KCNN3: variants seen among roughly 807,000 people sequenced by gnomAD.
The protein encoded by KCNN3 is potassium calcium-activated channel subfamily N member 3, also known as small conductance calcium-activated potassium channel protein 3.
A neutral mutation model predicts 62.9 loss-of-function variants in KCNN3; 16 were observed. That is an observed-to-expected ratio of 0.25 (90% CI 0.17 to 0.39). The LOEUF (loss-of-function observed/expected upper bound fraction) is 0.39, where lower values mean the gene tolerates loss of function less well. Ranked by LOEUF, KCNN3 falls within the 10% of genes least tolerant of loss-of-function variation. The probability of loss-of-function intolerance (pLI) is 1.00; values close to 1 mark genes in which losing one functional copy is unlikely to be tolerated. For synonymous variants in KCNN3, 370 were observed against 389.2 expected, an observed-to-expected ratio of 0.95 and a Z score of 0.58; for missense variants, 599 against 949.4, an observed-to-expected ratio of 0.63 and a Z score of 4.85.
rs1557944131 is a variant in KCNN3 at position 154,725,965 on chromosome 1, G to A, written c.1652C>T (p.Ala551Val). 6.2e-7 allele frequency: 1 copy of A among 1,614,144 alleles called. No individual in the cohort carries two copies. Among genetic ancestry groups the A allele is most frequent in the Non-Finnish European group, 8.5e-7 (1 of 1,179,988 alleles). The change falls in exon 5 of 8, where the codon GCG (alanine) becomes GTG (valine). Residue 551 changes from alanine to valine, a missense_variant. Around this residue, in one of 7 missense-constraint regions of KCNN3, gnomAD observed 288 missense variants for 557.4 expected, o/e 0.52. Coordinates refer to ENST00000271915, the MANE Select transcript of KCNN3 (RefSeq NM_002249.6). ...VVARKLELTKAEKHVHNFMMD... is the reference protein window; with the variant it reads ...VVARKLELTKVEKHVHNFMMD... ...CATGAAGTTATGAACGTGCTTCTCC[G>A]CTTTGGTGAGTTCCAGCTTTCGGGC...
chr1:154,842,092 G>A (rs1651857130), intron 1 of KCNN3, among the ~76,000 whole-genome samples: 1 of 152,166 alleles, frequency 6.6e-6, no homozygotes, highest in African/African-American at 2.4e-5. Context: ...GAACCTTGGG[G>A]GATTGACCCA....
intron 2 of KCNN3, among the ~76,000 whole-genome samples, chr1:154,783,901 A>AT (rs1447269503): frequency 6.6e-6 from 1 of 152,212 alleles, no homozygotes; most frequent in Non-Finnish European, 1.5e-5. Context: ...TGGAAATGTC[A>AT]GCTAACCTAG....
chr1:154,736,863 GCTAA>G (rs1201977329), intron 3 of KCNN3, among the ~76,000 whole-genome samples: 2 of 152,148 alleles, frequency 1.3e-5, no homozygotes, highest in Non-Finnish European at 2.9e-5. Context: ...TCCTGTGCGT[GCTAA>G]CTGTGTGTGC....
At position 154,701,858 on chromosome 1, in the gene KCNN3, A is replaced by G. The variant is rs1429278358; in HGVS notation, c.*6118T>C. On this transcript the variant is annotated 3_prime_UTR_variant, in exon 8 of 8. Coordinates refer to ENST00000271915, the MANE Select transcript of KCNN3 (RefSeq NM_002249.6). Reference sequence around the variant, plus strand: ...GAAACTCAGAATGCCTAGGATTTTGAGTATTTTAAGTTACAGGAAAACAGG... The same window carrying G: ...GAAACTCAGAATGCCTAGGATTTTGGGTATTTTAAGTTACAGGAAAACAGG... 2.0e-5 allele frequency: 3 copies of G among 152,224 alleles called. No individual in the cohort carries two copies. Among genetic ancestry groups the G allele is most frequent in the Admixed American group, 2.0e-4 (3 of 15,284 alleles). The allele number at this position is 152,224 out of a possible 1,614,324, so 9.4% of individuals were successfully genotyped here.
intron 2 of KCNN3, among the ~76,000 whole-genome samples, chr1:154,778,057 T>C (rs984688230): frequency 1.9e-4 from 29 of 152,244 alleles, no homozygotes; most frequent in African/African-American, 6.8e-4. Flanking sequence ...TACCACAGTC[T>C]CTGGTTTCCT....
chr1:154,844,050 G>A (rs1227524951), intron 1 of KCNN3, among the ~76,000 whole-genome samples: 1 of 152,142 alleles, frequency 6.6e-6, no homozygotes, highest in Non-Finnish European at 1.5e-5. Flanking sequence ...ACACACCCTC[G>A]GGACCAGCAG....
rs762791737 is a variant in KCNN3 at position 154,869,311 on chromosome 1, C to A, written c.654G>T (p.Glu218Asp). The change falls in exon 1 of 8, where the codon GAG (glutamate) becomes GAT (aspartate). Residue 218 changes from glutamate (E) to aspartate (D), a missense_variant. This residue lies in a region of KCNN3 where 80 missense variants were observed against 85.4 expected (regional missense o/e 0.94). Coordinates refer to ENST00000271915, the MANE Select transcript of KCNN3 (RefSeq NM_002249.6). The surrounding 1 kb of genome is among the most constrained non-coding windows in gnomAD (Gnocchi z 6.1). ...LQLFSPSNPP[E>D]IVISSREDNH... ...TGTCCTCCCGGGAGGAGATGACGAT[C>A]TCCGGGGGGTTGCTAGGGCTGAAAA... is the stretch of plus-strand genomic sequence containing the variant. 1 of 1,613,742 alleles carries A rather than the reference C, an allele frequency of 6.2e-7. No individual in the cohort carries two copies. The highest frequency in any genetic ancestry group is 8.5e-7 in the Non-Finnish European group (1 of 1,179,702).
chr1:154,793,348 A>G (rs1649596134), intron 2 of KCNN3, among the ~76,000 whole-genome samples: 2 of 152,194 alleles, frequency 1.3e-5, no homozygotes. Context: ...TAAGAGGCTG[A>G]CCCTGAAAAG....
intron 2 of KCNN3, among the ~76,000 whole-genome samples, chr1:154,808,473 G>T (rs1009668655): frequency 6.6e-6 from 1 of 152,074 alleles, no homozygotes; most frequent in African/African-American, 2.4e-5. Flanking sequence ...GGAACTGTGC[G>T]CCGTGCCCTC....
At chr1:154,721,682 T>A (rs1486037450) in intron 5 of KCNN3, among the ~76,000 whole-genome samples, 1 of 151,964 alleles carries the variant, frequency 6.6e-6, no homozygotes, top group African/African-American at 2.4e-5. Context: ...GACCACCTCT[T>A]ACCCATCTTG....
chr1:154,858,505 G>C (rs1652624329), intron 1 of KCNN3, among the ~76,000 whole-genome samples: 1 of 152,246 alleles, frequency 6.6e-6, no homozygotes, highest in Non-Finnish European at 1.5e-5. Flanking sequence ...AGAGTTGGTG[G>C]AGAACAACAC....
intron 2 of KCNN3, among the ~76,000 whole-genome samples, chr1:154,789,404 T>C (rs1400820209): frequency 2.6e-5 from 4 of 152,008 alleles, no homozygotes; most frequent in Admixed American, 2.6e-4. Flanking sequence ...GCTGGATATT[T>C]TGGCAGGGTG....
intron 1 of KCNN3, chr1:154,859,960 T>C (rs1253647007): frequency 1.2e-6 from 1 of 819,070 alleles, no homozygotes; most frequent in African/African-American, 1.7e-5. Context: ...TGCTGTTCAT[T>C]TAGTATCATC....
intron 3 of KCNN3, among the ~76,000 whole-genome samples, chr1:154,746,240 G>A (rs919836508): frequency 2.0e-5 from 3 of 152,176 alleles, no homozygotes; most frequent in African/African-American, 4.8e-5. Context: ...AAAAAGGGCC[G>A]CGTTACAATG....
intron 1 of KCNN3, among the ~76,000 whole-genome samples, chr1:154,828,194 C>T (rs1399491884): frequency 6.6e-6 from 1 of 150,994 alleles, no homozygotes; most frequent in African/African-American, 2.4e-5. Context: ...CTGGCCTGGA[C>T]AAGTTGCTTC....
At chr1:154,821,655 G>A (rs1650904953) in intron 2 of KCNN3, among the ~76,000 whole-genome samples, 1 of 152,202 alleles carries the variant, frequency 6.6e-6, no homozygotes, top group African/African-American at 2.4e-5. Flanking sequence ...CTCCTTGGTG[G>A]AGTTTGGTGC....
At chr1:154,842,224 C>T (rs1201482209) in intron 1 of KCNN3, among the ~76,000 whole-genome samples, 4 of 152,216 alleles carry the variant, frequency 2.6e-5, no homozygotes, top group African/African-American at 9.6e-5. Flanking sequence ...CTGGCCTCCA[C>T]AGTGATCATG....
intron 4 of KCNN3, among the ~76,000 whole-genome samples, chr1:154,729,434 G>A (rs1027458097): frequency 1.3e-5 from 2 of 151,996 alleles, no homozygotes; most frequent in African/African-American, 4.8e-5. Flanking sequence ...GCTGGGACGG[G>A]GTGAACACGC....
At chr1:154,835,405 C>T (rs1347951976) in intron 1 of KCNN3, among the ~76,000 whole-genome samples, 2 of 152,180 alleles carry the variant, frequency 1.3e-5, no homozygotes, top group African/African-American at 2.4e-5. Flanking sequence ...GCCCCCTTCC[C>T]GCCCTCTGCC....
Sources: gnomAD v4.1 joint callset for allele counts (sites outside exome capture counted in the v4.1 genomes callset) on GRCh38, gnomAD v4.1.1 for gene constraint, gnomAD v4.1.1 regional missense constraint, Gnocchi (gnomAD v3.1) non-coding constraint, MANE v1.5 for transcripts, NCBI Gene and HGNC (gene_info 2026-07-23, HGNC 2026-07-21) for gene names.